UBN1: variants seen among roughly 807,000 people sequenced by gnomAD.
UBN1 encodes the protein ubinuclein 1, also known as ubinuclein-1.
Under a neutral mutation model 108.5 loss-of-function variants are expected in UBN1, and 17 were observed. The ratio of observed to expected loss-of-function variants is 0.16; its 90% CI spans 0.11 to 0.24. UBN1 has a LOEUF of 0.24. Among genes scored for constraint, UBN1 ranks in the 10% least tolerant of loss-of-function variants. The pLI, the probability that UBN1 is intolerant of heterozygous loss-of-function variation, is 1.00. For missense variants in UBN1, 1,595 were observed against 1,394.4 expected (o/e 1.14, Z -2.29); for synonymous variants, 726 against 564.2 (o/e 1.29, Z -4.07).
chr16:4,873,141 T>G, intron 14 of UBN1, 68 bp downstream of exon 14: 1 of 1,599,066 alleles, frequency 6.3e-7, no homozygotes, highest in Non-Finnish European at 8.6e-7. Context: ...CTGGAAACAG[T>G]CAAGTGACTG....
chr16:4,862,391 A>G (rs2087108931), intron 7 of UBN1, among the ~76,000 whole-genome samples: 1 of 152,214 alleles, frequency 6.6e-6, no homozygotes, highest in South Asian at 2.1e-4. Context: ...CAAGTATTGT[A>G]TTTGAATGTA....
At chr16:4,850,742 A>G (rs2086520121) in intron 1 of UBN1, among the ~76,000 whole-genome samples, 1 of 152,240 alleles carries the variant, frequency 6.6e-6, no homozygotes, top group South Asian at 2.1e-4. Flanking sequence ...AATTCGACAA[A>G]TGAATATTGG....
chr16:4,876,038 A>T (rs2087866882), intron 15 of UBN1, among the ~76,000 whole-genome samples: 1 of 150,014 alleles, frequency 6.7e-6, no homozygotes, highest in African/African-American at 2.5e-5. Flanking sequence ...GGCTCAGCGC[A>T]AGCTCCACCT....
At chr16:4,873,192 C>G (rs1360334658) in intron 14 of UBN1, 119 bp downstream of exon 14, 2 of 1,398,222 alleles carry the variant, frequency 1.4e-6, no homozygotes, top group Non-Finnish European at 2.0e-6. Flanking sequence ...GACAGCTGCT[C>G]AGGATGACAT....
chr16:4,867,967 G>T (rs1467462131), intron 7 of UBN1, among the ~76,000 whole-genome samples: 1 of 152,186 alleles, frequency 6.6e-6, no homozygotes. Flanking sequence ...TTGCACATCA[G>T]TGTTCCCAGG....
chr16:4,857,007 T>C (rs976830288), intron 2 of UBN1, among the ~76,000 whole-genome samples: 6 of 152,078 alleles, frequency 3.9e-5, no homozygotes, highest in African/African-American at 1.2e-4. Context: ...TACCTTGAAG[T>C]CTTAAACATA....
chr16:4,858,686 G>C (rs941675662), intron 4 of UBN1, 23 bp downstream of exon 4: 4 of 1,609,374 alleles, frequency 2.5e-6, no homozygotes, highest in Non-Finnish European at 2.6e-6. Context: ...TGAAAATGCC[G>C]TGTCAGACCC....
At chr16:4,860,523 A>G (rs995318538) in intron 6 of UBN1, 141 bp from the exon 7 acceptor site, 7 of 877,084 alleles carry the variant, frequency 8.0e-6, no homozygotes, top group African/African-American at 6.7e-5. Context: ...CCATATGCCA[A>G]GAGGAGGGAG....
In UBN1 at chr16:4,861,054, C is replaced by T. The variant is rs753327476; in HGVS notation, c.1062C>T (p.Pro354=). ...AATTCAGGCAGCCCTCTTCTCTCCC[C>T]GAAGGCCTGCCAGCACCCCTGGAGA... ...DQEFRQPSSL[P]EGLPAPLEKR... The change falls in exon 7 of 18, where the codon CCC becomes CCT. Residue 354 remains proline (P), a synonymous_variant. Transcript: ENST00000262376. 9.9e-6 allele frequency: 16 copies of T among 1,613,866 alleles called. No homozygotes were observed. Among genetic ancestry groups the T allele is most frequent in the African/African-American group, 2.7e-5 (2 of 74,940 alleles).
chr16:4,874,696 G>A lies in UBN1; in HGVS notation c.2286G>A (p.Glu762=), dbSNP rs775086503. The change falls in exon 15 of 18, where the codon GAG becomes GAA. Residue 762 remains glutamate, a synonymous_variant. Transcript: ENST00000262376. ...AACCAGAGAGTTCTGGCTACAAAGA[G>A]CTGTCCTGCCAGGCTCCCCTCAATA... The part of the protein sequence containing the change: ...EKKPESSGYK[E]LSCQAPLNKG... The A allele has an allele frequency of 2.5e-6, 4 of 1,614,130 alleles. No individual in the cohort carries two copies. The highest frequency in any genetic ancestry group is 1.1e-5 in the South Asian group (1 of 91,082).
At chr16:4,872,263 C>T (rs1335395427) in intron 12 of UBN1, 1 of 985,180 alleles carries the variant, frequency 1.0e-6, no homozygotes, top group Non-Finnish European at 1.2e-6. Flanking sequence ...CATTTTATTC[C>T]TGGAATGGAG....
chr16:4,870,060 G>A (rs1040403693), intron 8 of UBN1, 152 bp from the exon 9 acceptor site: 42 of 1,111,382 alleles, frequency 3.8e-5, no homozygotes, highest in Non-Finnish European at 5.2e-5. Context: ...TGCTGAGGAT[G>A]TGTTTCCTTG....
intron 14 of UBN1, among the ~76,000 whole-genome samples, chr16:4,873,890 G>A (rs1442838162): frequency 6.6e-6 from 1 of 152,242 alleles, no homozygotes; most frequent in African/African-American, 2.4e-5. Context: ...GGGAATGCCA[G>A]TAGGCAGAGT....
chr16:4,870,447 C>G (rs560112115), intron 9 of UBN1, 69 bp from the exon 10 acceptor site: 2 of 1,610,564 alleles, frequency 1.2e-6, no homozygotes, highest in Admixed American at 1.7e-5. Flanking sequence ...CTTGTGATCA[C>G]CCCATCATGC....
chr16:4,849,972 A>C (rs1364467133), intron 1 of UBN1, among the ~76,000 whole-genome samples: 1 of 151,222 alleles, frequency 6.6e-6, no homozygotes, highest in Non-Finnish European at 1.5e-5. Flanking sequence ...AAAAACCACA[A>C]AAAAAGCTAA....
At chr16:4,858,796 A>T in intron 4 of UBN1, 133 bp downstream of exon 4, 1 of 979,002 alleles carries the variant, frequency 1.0e-6, no homozygotes, top group Non-Finnish European at 1.6e-6. Flanking sequence ...AGCACTGATG[A>T]GAGACGAAAT....
intron 6 of UBN1, 129 bp downstream of exon 6, chr16:4,860,097 C>CTGCGGGAG: frequency 8.6e-7 from 1 of 1,168,784 alleles, no homozygotes; most frequent in Non-Finnish European, 1.2e-6. Context: ...TCCTCCCGCA[C>CTGCGGGAG]GCCTCCCGCA....
chr16:4,870,646 C>T lies in UBN1; in HGVS notation c.1430+12C>T, dbSNP rs2087583010. The stretch of plus-strand genomic sequence containing the variant: ...GCAAAGGTTGCCAAGTAAGTTTGTC[C>T]TGGCGCTTGCAGGTGCAACCCTCCC... On this transcript the variant is annotated intron_variant, in intron 10 of 17. Coordinates refer to ENST00000262376, the MANE Select transcript of UBN1 (RefSeq NM_001079514.3). 8.1e-6 allele frequency: 13 copies of T among 1,613,994 alleles called. No individual in the cohort carries two copies. The highest frequency in any genetic ancestry group is 1.1e-5 in the Non-Finnish European group (13 of 1,179,926).
intron 3 of UBN1, 26 bp from the exon 4 acceptor site, chr16:4,858,542 T>G (rs745994766): frequency 6.3e-7 from 1 of 1,599,816 alleles, no homozygotes; most frequent in East Asian, 2.2e-5. Context: ...TCAAAAAGCA[T>G]GTAATCTATT....
Sources: gnomAD v4.1 joint callset for allele counts (sites outside exome capture counted in the v4.1 genomes callset) on GRCh38, gnomAD v4.1.1 for gene constraint, MANE v1.5 for transcripts, NCBI Gene and HGNC (gene_info 2026-07-23, HGNC 2026-07-21) for gene names.